OPCML: variants seen among roughly 807,000 people sequenced by gnomAD.
OPCML encodes opioid binding protein/cell adhesion molecule like.
A neutral mutation model predicts 37.8 loss-of-function variants in OPCML; 13 were observed. The ratio of observed to expected loss-of-function variants is 0.34; its 90% CI spans 0.22 to 0.55. The LOEUF is 0.55. Ranked by LOEUF, OPCML falls within the 20% of genes least tolerant of loss-of-function variation. The pLI is 0.91. For synonymous variants in OPCML, 176 were observed against 168.8 expected, an observed-to-expected ratio of 1.04 and a Z score of -0.33; for missense variants, 341 against 435.6, an observed-to-expected ratio of 0.78 and a Z score of 1.93.
intron 3 of OPCML, among the ~76,000 whole-genome samples, chr11:132,600,336 T>C (rs1220501531): frequency 6.6e-6 from 1 of 152,178 alleles, no homozygotes; most frequent in Non-Finnish European, 1.5e-5. Flanking sequence ...AGACGAAGAC[T>C]CTGTAAGTGA....
intron 2 of OPCML, among the ~76,000 whole-genome samples, chr11:132,698,401 A>T (rs1943682253): frequency 6.6e-6 from 1 of 151,876 alleles, no homozygotes; most frequent in African/African-American, 2.4e-5. Context: ...AGTGATGTTG[A>T]GTTTTTTTAA....
At chr11:133,296,537 C>G (rs992753507) in intron 1 of OPCML, among the ~76,000 whole-genome samples, 29 of 152,160 alleles carry the variant, frequency 1.9e-4, no homozygotes, top group Admixed American at 6.5e-5. Context: ...GCGATAGACA[C>G]AAAGAAAATG....
intron 1 of OPCML, among the ~76,000 whole-genome samples, chr11:133,436,822 C>T (rs12421098): frequency 0.15 from 22,113 of 152,108 alleles, 1,846 homozygotes; most frequent in African/African-American, 0.21. Flanking sequence ...TGAAAACCCC[C>T]GCGTAACTGC....
chr11:133,073,508 C>T (rs1409300231), intron 1 of OPCML, among the ~76,000 whole-genome samples: 1 of 152,186 alleles, frequency 6.6e-6, no homozygotes, highest in Admixed American at 6.5e-5. Flanking sequence ...TAATGAGCTG[C>T]CCCAAAGCTG....
At chr11:132,795,593 G>C (rs1480762267) in intron 2 of OPCML, among the ~76,000 whole-genome samples, 1 of 152,182 alleles carries the variant, frequency 6.6e-6, no homozygotes, top group East Asian at 1.9e-4. Flanking sequence ...GCCCTAGGAA[G>C]CCATGTATCT....
chr11:133,336,821 G>T (rs1943754725), intron 1 of OPCML, among the ~76,000 whole-genome samples: 1 of 152,080 alleles, frequency 6.6e-6, no homozygotes, highest in African/African-American at 2.4e-5. Flanking sequence ...CCCCATTTTT[G>T]TGATACCCAG....
chr11:133,423,804 G>C (rs1279629343), intron 1 of OPCML, among the ~76,000 whole-genome samples: 1 of 152,160 alleles, frequency 6.6e-6, no homozygotes, highest in Non-Finnish European at 1.5e-5. Context: ...GCTCTCCACA[G>C]TAATGAGTGG....
intron 2 of OPCML, among the ~76,000 whole-genome samples, chr11:132,852,765 G>C (rs1941870766): frequency 6.6e-6 from 1 of 152,122 alleles, no homozygotes; most frequent in Admixed American, 6.6e-5. Context: ...TACAACCAAA[G>C]AGAAAGCATA....
intron 3 of OPCML, among the ~76,000 whole-genome samples, chr11:132,650,189 T>C (rs1027851260): frequency 6.6e-6 from 1 of 152,230 alleles, no homozygotes; most frequent in Non-Finnish European, 1.5e-5. Flanking sequence ...CAGTCACCCC[T>C]AACTAGCAGT....
At chr11:133,140,045 GGC>G (rs1298717957) in intron 1 of OPCML, among the ~76,000 whole-genome samples, 2 of 151,394 alleles carry the variant, frequency 1.3e-5, no homozygotes, top group East Asian at 3.9e-4. Flanking sequence ...AAATTTGCTA[GGC>G]GTAGTGGCGC....
At chr11:133,484,477 A>G (rs1420124976) in intron 1 of OPCML, among the ~76,000 whole-genome samples, 2 of 152,166 alleles carry the variant, frequency 1.3e-5, no homozygotes, top group African/African-American at 4.8e-5. Flanking sequence ...TAGAAGTGAC[A>G]GCCAAATCCA....
rs1466185838 is a variant in OPCML at position 132,943,995 on chromosome 11, G to T, written c.62-985C>A. On this transcript the variant is annotated intron_variant, in intron 1 of 7. Coordinates refer to ENST00000524381, the MANE Select transcript of OPCML (RefSeq NM_001012393.5). This position sits in a 1 kb window ranked among gnomAD's most constrained non-coding sequence, Gnocchi z 4.3. Reference sequence around the variant, plus strand: ...CTTTCTCCCGGTGCCGCCTCGGAGCGAGCGGGCTGGCGGGCGGCGCGGACT... The same window carrying T: ...CTTTCTCCCGGTGCCGCCTCGGAGCTAGCGGGCTGGCGGGCGGCGCGGACT... Among the ~76,000 whole-genome samples, 5 of 151,970 alleles carry T rather than the reference G, an allele frequency of 3.3e-5. No individual in the cohort carries two copies. The South Asian group carries it at 6.2e-4, about 19-fold the overall frequency.
rs2509075 is a variant in OPCML at position 132,705,996 on chromosome 11, C to T, written c.147-48677G>A. On this transcript the variant is annotated intron_variant, in intron 2 of 7. Coordinates refer to ENST00000524381, the MANE Select transcript of OPCML (RefSeq NM_001012393.5). ...CTAATTTTTGTATCTTTAGTAAAGA[C>T]GGGGTTTCACCATGTTGGCCAGGCT... Among the ~76,000 whole-genome samples the T allele has an allele frequency of 3.3e-5, 5 of 151,858 alleles. No individual in the cohort carries two copies. In the South Asian group the frequency reaches 6.2e-4, roughly 19 times the overall value.
At chr11:132,957,677 ACT>A (rs113167878) in intron 1 of OPCML, among the ~76,000 whole-genome samples, 3,938 of 151,826 alleles carry the variant, frequency 0.026, 162 homozygotes, top group African/African-American at 0.087. Context: ...ACATGTACTC[ACT>A]CTGTCTCTGT....
chr11:132,777,200 T>G (rs1565855405), intron 2 of OPCML, among the ~76,000 whole-genome samples: 1 of 152,178 alleles, frequency 6.6e-6, no homozygotes, highest in Non-Finnish European at 1.5e-5. Context: ...ATTTGTGTTC[T>G]AAGAAAAAGA....
intron 1 of OPCML, among the ~76,000 whole-genome samples, chr11:133,180,914 G>T (rs1267611283): frequency 6.6e-6 from 1 of 151,468 alleles, no homozygotes; most frequent in Non-Finnish European, 1.5e-5. Flanking sequence ...AAATCTGCAT[G>T]CAAGTGTTAT....
At chr11:133,187,246 T>C (rs1938124284) in intron 1 of OPCML, among the ~76,000 whole-genome samples, 1 of 152,138 alleles carries the variant, frequency 6.6e-6, no homozygotes, top group African/African-American at 2.4e-5. Context: ...CAGCCACATT[T>C]ACCACAGGCT....
At chr11:133,060,138 G>A (rs972838277) in intron 1 of OPCML, among the ~76,000 whole-genome samples, 1 of 151,680 alleles carries the variant, frequency 6.6e-6, no homozygotes, top group Non-Finnish European at 1.5e-5. Context: ...GATTTTTTAG[G>A]TCACTTCCAA....
intron 3 of OPCML, among the ~76,000 whole-genome samples, chr11:132,656,752 C>T (rs1941727067): frequency 6.6e-6 from 1 of 152,198 alleles, no homozygotes; most frequent in Admixed American, 6.5e-5. Flanking sequence ...TTAAAAGGCA[C>T]TGAGAGTAGT....
Sources: gnomAD v4.1 joint callset for allele counts (sites outside exome capture counted in the v4.1 genomes callset) on GRCh38, gnomAD v4.1.1 for gene constraint, Gnocchi (gnomAD v3.1) non-coding constraint, MANE v1.5 for transcripts, NCBI Gene and HGNC (gene_info 2026-07-23, HGNC 2026-07-21) for gene names.